The following ABCA13 variants were observed in gnomAD, a reference collection of about 807,000 sequenced individuals.
The protein encoded by ABCA13 is ATP-binding cassette sub-family A member 13.
ABCA13 carries 476 observed loss-of-function variants against 478.7 expected under a neutral mutation model. That is an observed-to-expected ratio of 0.99 (90% CI 0.92 to 1.07). The LOEUF (loss-of-function observed/expected upper bound fraction) is 1.07, where lower values mean the gene tolerates loss of function less well. Ranked by LOEUF, ABCA13 falls within the 50% of genes least tolerant of loss-of-function variation. ABCA13 has a pLI of 0.00. For synonymous variants in ABCA13, 2,252 were observed against 2,158.9 expected, an observed-to-expected ratio of 1.04 and a Z score of -1.20; for missense variants, 6,060 against 5,910.6, an observed-to-expected ratio of 1.03 and a Z score of -0.83.
At chr7:48,537,904 T>G (rs1001235822) in intron 55 of ABCA13, among the ~76,000 whole-genome samples, 1 of 151,930 alleles carries the variant, frequency 6.6e-6, no homozygotes, top group Non-Finnish European at 1.5e-5. Flanking sequence ...GGGAAGGAGA[T>G]GAGGAGAACA....
intron 42 of ABCA13, among the ~76,000 whole-genome samples, chr7:48,436,553 GC>G (rs1376929661): frequency 2.0e-5 from 3 of 151,448 alleles, no homozygotes; most frequent in Non-Finnish European, 3.0e-5. Flanking sequence ...CATTATTTCT[GC>G]TAGGGTTAGG....
At position 48,279,837 on chromosome 7, in the gene ABCA13, A is replaced by G; in HGVS notation, c.8643A>G (p.Lys2881=). 5 of 1,577,876 alleles carry G rather than the reference A, an allele frequency of 3.2e-6. No homozygotes were observed. The highest frequency in any genetic ancestry group is 4.3e-6 in the Non-Finnish European group (5 of 1,166,400). Reference sequence around the variant, plus strand: ...TGATTGACTTTCCTTATAGTTTCAAACCATTTTTCTGTTTGGAGAAATACC... The same window carrying G: ...TGATTGACTTTCCTTATAGTTTCAAGCCATTTTTCTGTTTGGAGAAATACC... The part of the protein sequence containing the change: ...KEMIDFPYSF[K]PFFCLEKYLG... The change falls in exon 18 of 62, where the codon AAA becomes AAG. Residue 2881 remains lysine (K), a synonymous_variant. Transcript: ENST00000435803.
chr7:48,626,976 T>C (rs1449632434), intron 59 of ABCA13: 2 of 985,338 alleles, frequency 2.0e-6, no homozygotes, highest in Non-Finnish European at 2.4e-6. Flanking sequence ...GAGGAATAAG[T>C]AGCTGAACTC....
chr7:48,387,733 A>C, intron 35 of ABCA13, 89 bp from the exon 36 acceptor site: 1 of 1,074,868 alleles, frequency 9.3e-7, no homozygotes, highest in Non-Finnish European at 1.3e-6. Flanking sequence ...ACATGGGATG[A>C]CATTTTATAT....
At chr7:48,409,641 G>A (rs558754035) in intron 39 of ABCA13, among the ~76,000 whole-genome samples, 1 of 152,126 alleles carries the variant, frequency 6.6e-6, no homozygotes, top group Non-Finnish European at 1.5e-5. Context: ...TGATTCCAAA[G>A]GGTATCAATG....
intron 55 of ABCA13, among the ~76,000 whole-genome samples, chr7:48,578,707 A>G (rs1788419554): frequency 6.6e-6 from 1 of 152,204 alleles, no homozygotes; most frequent in African/African-American, 2.4e-5. Flanking sequence ...CTGATTTTCA[A>G]GTTTATGTGG....
At chr7:48,204,612 T>C (rs1467991426) in intron 3 of ABCA13, among the ~76,000 whole-genome samples, 1 of 152,174 alleles carries the variant, frequency 6.6e-6, no homozygotes, top group East Asian at 1.9e-4. Flanking sequence ...ATTCCGATGC[T>C]TTGGGGCCCT....
At chr7:48,396,799 A>G (rs1049768648) in intron 38 of ABCA13, among the ~76,000 whole-genome samples, 7 of 152,186 alleles carry the variant, frequency 4.6e-5, no homozygotes, top group Admixed American at 1.3e-4. Context: ...TGTCACTAGC[A>G]ACCCACAGTG....
At chr7:48,423,784 A>G (rs1821074770) in intron 41 of ABCA13, among the ~76,000 whole-genome samples, 1 of 152,236 alleles carries the variant, frequency 6.6e-6, no homozygotes. Flanking sequence ...TCCTTTAGAC[A>G]TAATTTCATC....
At chr7:48,296,847 C>A (rs929406100) in intron 21 of ABCA13, among the ~76,000 whole-genome samples, 1 of 152,194 alleles carries the variant, frequency 6.6e-6, no homozygotes, top group African/African-American at 2.4e-5. Context: ...AAATAAGGAA[C>A]TTTAAATTCT....
At chr7:48,438,011 C>T (rs1038992856) in intron 42 of ABCA13, among the ~76,000 whole-genome samples, 2 of 152,082 alleles carry the variant, frequency 1.3e-5, no homozygotes, top group African/African-American at 4.8e-5. Context: ...GCCTGCACTC[C>T]TCCTTTAGTT....
At chr7:48,624,099 T>TGTGG (rs898469741) in intron 59 of ABCA13, among the ~76,000 whole-genome samples, 1 of 149,672 alleles carries the variant, frequency 6.7e-6, no homozygotes, top group African/African-American at 2.5e-5. Flanking sequence ...TGTGTGTGTG[T>TGTGG]GGCTCAGTTA....
intron 32 of ABCA13, among the ~76,000 whole-genome samples, chr7:48,370,875 C>T (rs1160332486): frequency 2.6e-5 from 4 of 151,924 alleles, no homozygotes; most frequent in Admixed American, 1.3e-4. Flanking sequence ...AAAGAAATAA[C>T]AAAGATGAGA....
intron 32 of ABCA13, among the ~76,000 whole-genome samples, chr7:48,368,937 C>G (rs1421874942): frequency 6.6e-6 from 1 of 151,844 alleles, no homozygotes; most frequent in African/African-American, 2.4e-5. Flanking sequence ...ATTGCTGGTT[C>G]AAATGGTAGA....
At chr7:48,550,909 T>A (rs1410451631) in intron 55 of ABCA13, among the ~76,000 whole-genome samples, 2 of 151,564 alleles carry the variant, frequency 1.3e-5, no homozygotes, top group Non-Finnish European at 3.0e-5. Flanking sequence ...AACTGAAAAT[T>A]TTTTTTACCT....
intron 55 of ABCA13, among the ~76,000 whole-genome samples, chr7:48,578,173 T>C (rs371605818): frequency 6.6e-6 from 1 of 152,124 alleles, no homozygotes; most frequent in East Asian, 1.9e-4. Context: ...AGATGTCCTC[T>C]CTCTCCATTC....
rs570495356 is a variant in ABCA13 at position 48,338,417 on chromosome 7, T to G, written c.10166T>G (p.Ile3389Ser). The change falls in exon 29 of 62, where the codon ATT (isoleucine) becomes AGT (serine). Residue 3389 changes from isoleucine (I) to serine (S), a missense_variant. Coordinates refer to ENST00000435803, the MANE Select transcript of ABCA13 (RefSeq NM_152701.5). ...AACTTTGTAGAAAACCAGTTGCACA[T>G]TGATGTAGACAAACTTACTGAAAAA... Reference protein sequence around the residue: ...VRNFVENQLHIDVDKLTEKLQ... With the variant: ...VRNFVENQLHSDVDKLTEKLQ... The G allele has an allele frequency of 6.2e-7, 1 of 1,603,110 alleles. No homozygotes were observed. Among genetic ancestry groups the G allele is most frequent in the South Asian group, 1.1e-5 (1 of 88,694 alleles).
intron 41 of ABCA13, among the ~76,000 whole-genome samples, chr7:48,420,863 G>A (rs570583350): frequency 4.0e-5 from 6 of 151,864 alleles, no homozygotes; most frequent in African/African-American, 1.4e-4. Context: ...CCAGGATCAC[G>A]AGCTGCACTC....
Position 48,286,591 on chromosome 7 carries a change from A to G in ABCA13, c.8837-1369A>G, listed in dbSNP as rs568827544. Among the ~76,000 whole-genome samples, 6 of 151,350 alleles carry G rather than the reference A, an allele frequency of 4.0e-5. No individual in the cohort carries two copies. In the South Asian group the frequency reaches 8.4e-4, roughly 21 times the overall value. Reference sequence around the variant, plus strand: ...GCGACCTCAGCTCATTGCAACCTCTACCTCCTGGGTTCAAGCAATTCTCAT... The same window carrying G: ...GCGACCTCAGCTCATTGCAACCTCTGCCTCCTGGGTTCAAGCAATTCTCAT... On this transcript the variant is annotated intron_variant, in intron 19 of 61. Transcript: ENST00000435803.
Sources: gnomAD v4.1 joint callset for allele counts (sites outside exome capture counted in the v4.1 genomes callset) on GRCh38, gnomAD v4.1.1 for gene constraint, MANE v1.5 for transcripts, NCBI Gene and HGNC (gene_info 2026-07-23, HGNC 2026-07-21) for gene names.